DDAH1: variants seen among roughly 807,000 people sequenced by gnomAD.
DDAH1 encodes N(G),N(G)-dimethylarginine dimethylaminohydrolase 1.
Under a neutral mutation model 28.8 loss-of-function variants are expected in DDAH1, and 19 were observed. The observed-to-expected ratio is 0.66, with a 90% confidence interval of 0.46 to 0.97. The LOEUF (loss-of-function observed/expected upper bound fraction) is 0.97. Among genes scored for constraint, DDAH1 ranks in the 50% least tolerant of loss-of-function variants. DDAH1 has a pLI of 0.00. For missense variants in DDAH1, 326 were observed against 375.9 expected (o/e 0.87, Z 1.10); for synonymous variants, 153 against 154.4 (o/e 0.99, Z 0.07).
chr1:85,436,761 G>T (rs762118409), intron 1 of DDAH1, among the ~76,000 whole-genome samples: 27 of 152,164 alleles, frequency 1.8e-4, no homozygotes, highest in Non-Finnish European at 3.7e-4. Context: ...CTGGTGGGAA[G>T]GGAGGCCCTG....
chr1:85,417,945 A>C (rs1652956066), intron 1 of DDAH1, among the ~76,000 whole-genome samples: 1 of 152,234 alleles, frequency 6.6e-6, no homozygotes, highest in South Asian at 2.1e-4. Context: ...CATACCACAT[A>C]CCATTCTACT....
Position 85,357,209 on chromosome 1 carries a change from G to T in DDAH1, c.403+1539C>A, listed in dbSNP as rs1649534922. On this transcript the variant is annotated intron_variant, in intron 2 of 5. Coordinates refer to ENST00000284031, the MANE Select transcript of DDAH1 (RefSeq NM_012137.4). ...TCTGCTTGGGCACACCCAGAGATAA[G>T]AATGCAGCGTAGGCCTTCTTGACTC... is the stretch of plus-strand genomic sequence containing the variant. Among the ~76,000 whole-genome samples the T allele has an allele frequency of 2.6e-5, 4 of 152,180 alleles. No homozygotes were observed. In the South Asian group the frequency reaches 8.3e-4, roughly 31 times the overall value.
intron 1 of DDAH1, among the ~76,000 whole-genome samples, chr1:85,413,813 A>G (rs1441930597): frequency 6.6e-6 from 1 of 152,256 alleles, no homozygotes; most frequent in Non-Finnish European, 1.5e-5. Context: ...CTTTTCCAAC[A>G]TACTTCAGAA....
chr1:85,552,857 T>C (rs530737936), intron 1 of DDAH1, among the ~76,000 whole-genome samples: 1 of 152,152 alleles, frequency 6.6e-6, no homozygotes, highest in South Asian at 2.1e-4. Context: ...TTTCCTAAGC[T>C]CTTCTATAGG....
chr1:85,419,463 C>T (rs1653034085), intron 1 of DDAH1, among the ~76,000 whole-genome samples: 1 of 144,624 alleles, frequency 6.9e-6, no homozygotes, highest in Non-Finnish European at 1.5e-5. Context: ...TCACTTGAAA[C>T]CGGGAGACAG....
At chr1:85,489,573 TTGG>T (rs1336235362) in intron 2 of DDAH1, among the ~76,000 whole-genome samples, 1 of 152,070 alleles carries the variant, frequency 6.6e-6, no homozygotes, top group Non-Finnish European at 1.5e-5. Flanking sequence ...AAAGAATTTG[TTGG>T]TGGTTTCAAG....
At chr1:85,466,118 A>G (rs1266362215), upstream of DDAH1, among the ~76,000 whole-genome samples, 1 of 152,190 alleles carries the variant, frequency 6.6e-6, no homozygotes, top group Non-Finnish European at 1.5e-5. Flanking sequence ...GGTCTCTCTG[A>G]GCATCCTAGA....
chr1:85,340,369 G>A lies in DDAH1; in HGVS notation c.597+10046C>T, dbSNP rs373983408. 1.4e-4 allele frequency among the ~76,000 whole-genome samples: 22 copies of A among 152,312 alleles called. No individual in the cohort carries two copies. The East Asian group carries it at 1.7e-3, about 12-fold the overall frequency. On this transcript the variant is annotated intron_variant, in intron 4 of 5. Coordinates refer to ENST00000284031, the MANE Select transcript of DDAH1 (RefSeq NM_012137.4). Reference sequence around the variant, plus strand: ...TGCTGAATTCATGGTGACAGGGAGAGTTTAAACTCTTTTCCAAAAATTCTA... The same window carrying A: ...TGCTGAATTCATGGTGACAGGGAGAATTTAAACTCTTTTCCAAAAATTCTA...
intron 1 of DDAH1, among the ~76,000 whole-genome samples, chr1:85,507,115 T>C (rs945252352): frequency 1.3e-5 from 2 of 152,228 alleles, no homozygotes; most frequent in Non-Finnish European, 2.9e-5. Context: ...TATCTTTCCA[T>C]ACACACACAA....
intron 1 of DDAH1, among the ~76,000 whole-genome samples, chr1:85,420,947 C>T (rs887873242): frequency 6.6e-6 from 1 of 152,182 alleles, no homozygotes; most frequent in Non-Finnish European, 1.5e-5. Flanking sequence ...TCAGTAGCAT[C>T]TGCTTCTAGG....
intron 1 of DDAH1, among the ~76,000 whole-genome samples, chr1:85,519,360 C>T (rs190474133): frequency 6.6e-6 from 1 of 152,146 alleles, no homozygotes; most frequent in Admixed American, 6.5e-5. Flanking sequence ...CGTGAGCCAC[C>T]GTGCCTGGCC....
At chr1:85,436,127 C>T (rs1258742111) in intron 1 of DDAH1, among the ~76,000 whole-genome samples, 3 of 151,972 alleles carry the variant, frequency 2.0e-5, no homozygotes, top group Non-Finnish European at 2.9e-5. Context: ...TATTTTATTG[C>T]ATTGGCCATA....
At chr1:85,567,375 C>T (rs191830814) in intron 1 of DDAH1, among the ~76,000 whole-genome samples, 49 of 152,228 alleles carry the variant, frequency 3.2e-4, no homozygotes, top group South Asian at 2.3e-3. Flanking sequence ...GGGTATTTCC[C>T]GTGCTATTCT....
At chr1:85,338,831 G>T (rs534091557) in intron 4 of DDAH1, among the ~76,000 whole-genome samples, 1 of 151,692 alleles carries the variant, frequency 6.6e-6, no homozygotes, top group South Asian at 2.1e-4. Context: ...TTTGAGGTCA[G>T]GAGTTCAAGA....
intron 1 of DDAH1, among the ~76,000 whole-genome samples, chr1:85,574,978 A>G (rs1465037576): frequency 6.6e-6 from 1 of 151,862 alleles, no homozygotes; most frequent in Non-Finnish European, 1.5e-5. Flanking sequence ...AGTGGCTCAC[A>G]CCTGCAATCT....
At chr1:85,453,893 TTA>T (rs1654769415) in intron 1 of DDAH1, among the ~76,000 whole-genome samples, 1 of 152,196 alleles carries the variant, frequency 6.6e-6, no homozygotes, top group Non-Finnish European at 1.5e-5. Flanking sequence ...GACATGAACA[TTA>T]TAATCACATT....
intron 1 of DDAH1, among the ~76,000 whole-genome samples, chr1:85,407,454 G>A (rs367979680): frequency 6.6e-6 from 1 of 152,256 alleles, no homozygotes; most frequent in East Asian, 1.9e-4. Flanking sequence ...CTATCAGAGC[G>A]GAAAGTTAAA....
At chr1:85,534,759 A>G (rs1658215331) in intron 1 of DDAH1, among the ~76,000 whole-genome samples, 1 of 152,114 alleles carries the variant, frequency 6.6e-6, no homozygotes, top group Non-Finnish European at 1.5e-5. Flanking sequence ...TCAGAACTGA[A>G]TGTCCAAACT....
chr1:85,540,723 T>G (rs1364050462), intron 1 of DDAH1, among the ~76,000 whole-genome samples: 2 of 151,986 alleles, frequency 1.3e-5, no homozygotes, highest in Non-Finnish European at 2.9e-5. Context: ...TTTGGGAGGC[T>G]GAGGTGGGTG....
Sources: gnomAD v4.1 joint callset for allele counts (sites outside exome capture counted in the v4.1 genomes callset) on GRCh38, gnomAD v4.1.1 for gene constraint, MANE v1.5 for transcripts, NCBI Gene and HGNC (gene_info 2026-07-23, HGNC 2026-07-21) for gene names.